Variants in MIB2 observed in about 807,000 individuals in gnomAD.
MIB2 encodes the protein E3 ubiquitin-protein ligase MIB2.
MIB2 carries 78 observed loss-of-function variants against 96.6 expected under a neutral mutation model. The ratio of observed to expected loss-of-function variants is 0.81; its 90% confidence interval spans 0.67 to 0.97. MIB2 has a LOEUF of 0.97. Ranked by LOEUF, MIB2 falls within the 50% of genes least tolerant of loss-of-function variation. The pLI is 0.00. For synonymous variants in MIB2, 820 were observed against 629.5 expected (o/e 1.30, Z -4.53); for missense variants, 1,543 against 1,424.0 (o/e 1.08, Z -1.35).
Position 1,626,189 on chromosome 1 carries a change from G to A in MIB2, c.973-461G>A, listed in dbSNP as rs1644742683. On this transcript the variant is annotated intron_variant, in intron 8 of 19. Transcript: ENST00000355826. This position sits in a 1 kb window ranked among gnomAD's most constrained non-coding sequence, Gnocchi z 5.3. ...TCTGGATCTGGGGTCCTGGATACCA[G>A]GCACCTTTGAGGAGGCGCCGAAGGG... is the stretch of plus-strand genomic sequence containing the variant. 1.0e-5 allele frequency: 2 copies of A among 197,846 alleles called. No individual in the cohort carries two copies. Among genetic ancestry groups the A allele is most frequent in the Non-Finnish European group, 2.1e-5 (2 of 97,194 alleles). The allele number at this position is 197,846 out of a possible 1,614,324, so 12.3% of individuals were successfully genotyped here. A position where few individuals can be genotyped will look rare whatever the true frequency, so the allele number is the denominator to read the frequency against.
At chr1:1,617,500 T>C (rs184553073) in intron 2 of MIB2, 13 of 152,336 alleles carry the variant, frequency 8.5e-5, no homozygotes, top group Non-Finnish European at 1.5e-4. Context: ...CGGTGTCTGC[T>C]TGCGTGGTTA....
chr1:1,627,198 C>T lies in MIB2; in HGVS notation c.1365C>T (p.Arg455=). ...AARALDLLRR[R]PEQVDTKNQG... ...GGGCTCTGGACCTGCTGCGGAGGCGCCCAGAGCAGGCAAGCTCCTGACCCC... is the reference window on the plus strand; with the variant it reads ...GGGCTCTGGACCTGCTGCGGAGGCGTCCAGAGCAGGCAAGCTCCTGACCCC... The change falls in exon 11 of 20, where the codon CGC becomes CGT. Residue 455 remains arginine (R), a synonymous_variant. Transcript: ENST00000355826. The T allele has an allele frequency of 6.2e-7, 1 of 1,602,294 alleles. No individual in the cohort carries two copies. The highest frequency in any genetic ancestry group is 8.5e-7 in the Non-Finnish European group (1 of 1,174,990).
intron 2 of MIB2, chr1:1,618,422 G>A (rs1177098090): frequency 6.5e-6 from 1 of 152,860 alleles, no homozygotes; most frequent in African/African-American, 2.4e-5. Flanking sequence ...CTGTCCTAGA[G>A]GGCTTGATTT....
Position 1,629,894 on chromosome 1 carries a change from C to G in MIB2, c.2629+190C>G, listed in dbSNP as rs1487097972. 2.1e-5 allele frequency among the ~76,000 whole-genome samples: 3 copies of G among 145,394 alleles called. No individual in the cohort carries two copies. In the East Asian group the frequency reaches 6.2e-4, roughly 30 times the overall value. ...CCCGCCTGCTCCAGATCACACCCGGCCCACAGCCCCGCCTCAAGGTAACAC... is the reference window on the plus strand; with the variant it reads ...CCCGCCTGCTCCAGATCACACCCGGGCCACAGCCCCGCCTCAAGGTAACAC... On this transcript the variant is annotated intron_variant, in intron 19 of 19. Coordinates refer to ENST00000355826, the MANE Select transcript of MIB2 (RefSeq NM_001170687.4).
Position 1,615,594 on chromosome 1 carries a change from T to C in MIB2, c.-169T>C. ...CCCGAAGCCGTCCCCGAGTCGCTCC[T>C]AGGTCACTGGCGCGATGCGGGCCGT... is the stretch of plus-strand genomic sequence containing the variant. On this transcript the variant is annotated 5_prime_UTR_variant, in exon 1 of 20. Coordinates refer to ENST00000355826, the MANE Select transcript of MIB2 (RefSeq NM_001170687.4). 1 of 1,563,798 alleles carries C rather than the reference T, an allele frequency of 6.4e-7. No individual in the cohort carries two copies. The highest frequency in any genetic ancestry group is 8.6e-7 in the Non-Finnish European group (1 of 1,159,286).
rs991676953 is a variant in MIB2 at position 1,623,834 on chromosome 1, G to A, written c.308G>A (p.Arg103His). Reference sequence around the variant, plus strand: ...AAGAAGCACGGGCTGCGGGGGATGCGCTGGAAGTGCCGTGTGTGCCTGGAC... The same window carrying A: ...AAGAAGCACGGGCTGCGGGGGATGCACTGGAAGTGCCGTGTGTGCCTGGAC... ...CCKKHGLRGM[R>H]WKCRVCLDYD... Residue 103 changes from arginine (R) to histidine (H), a missense_variant, in exon 4 of 20, where the codon CGC (arginine) becomes CAC (histidine). Physicochemically the swap from Arg to His is conservative, Grantham distance 29. Coordinates refer to ENST00000355826, the MANE Select transcript of MIB2 (RefSeq NM_001170687.4). 10 of 1,610,678 alleles carry A rather than the reference G, an allele frequency of 6.2e-6. No homozygotes were observed. Among genetic ancestry groups the A allele is most frequent in the African/African-American group, 2.7e-5 (2 of 74,974 alleles).
In MIB2 at chr1:1,628,302, G is replaced by A. The variant is rs770240516; in HGVS notation, c.1871G>A (p.Arg624Gln). Residue 624 changes from arginine (R) to glutamine (Q), a missense_variant, in exon 15 of 20, where the codon CGG becomes CAG. Coordinates refer to ENST00000355826, the MANE Select transcript of MIB2 (RefSeq NM_001170687.4). ...LAVRKILARA[R>Q]QLVDAKKEDG... ...GTGAGAAAGATTCTGGCTCGGGCGC[G>A]GCAGCTGGTGGACGCCAAGAAGGAG... 18 of 1,612,808 alleles carry A rather than the reference G, an allele frequency of 1.1e-5. No homozygotes were observed. The highest frequency in any genetic ancestry group is 8.9e-5 in the East Asian group (4 of 44,892).
Position 1,623,892 on chromosome 1 carries a change from C to A in MIB2, c.366C>A (p.Asn122Lys). 1 of 1,612,156 alleles carries A rather than the reference C, an allele frequency of 6.2e-7. No individual in the cohort carries two copies. The highest frequency in any genetic ancestry group is 8.5e-7 in the Non-Finnish European group (1 of 1,179,562). ...YDLCTQCYMH[N>K]KHELAHAFDR... Reference sequence around the variant, plus strand: ...TCTGCACGCAGTGCTACATGCACAACAAGCATGAGCTCGCCCACGCCTTCG... The same window carrying A: ...TCTGCACGCAGTGCTACATGCACAAAAAGCATGAGCTCGCCCACGCCTTCG... The change falls in exon 4 of 20, where the codon AAC (asparagine) becomes AAA (lysine). Residue 122 changes from asparagine to lysine, a missense_variant. By Grantham distance (94) the Asn-to-Lys change is moderately conservative. Transcript: ENST00000355826.
In MIB2 at chr1:1,629,472, C is replaced by G. The variant is rs1400816508; in HGVS notation, c.2469C>G (p.Ala823=). 2 of 1,532,124 alleles carry G rather than the reference C, an allele frequency of 1.3e-6. No homozygotes were observed. The highest frequency in any genetic ancestry group is 2.5e-5 in the East Asian group (1 of 40,474). 94.9% of individuals were successfully genotyped at this position (1,532,124 alleles called of 1,614,324 possible). Residue 823 remains alanine (A), a synonymous_variant, in exon 18 of 20, where the codon GCC becomes GCG. Transcript: ENST00000355826. ...PNTVTNLHVG[A]APGPEAAECL... is the part of the protein sequence containing the mutation. ...CCGTGACGAACCTGCACGTGGGCGC[C>G]GCGCCGGGGCCCGAGGCCGCTGAGT...
chr1:1,629,493 T>C lies in MIB2; in HGVS notation c.2490T>C (p.Ala830=), dbSNP rs1569896913. 1 of 1,533,294 alleles carries C rather than the reference T, an allele frequency of 6.5e-7. No individual in the cohort carries two copies. The highest frequency in any genetic ancestry group is 1.4e-5 in the African/African-American group (1 of 72,456). 95.0% of individuals were successfully genotyped at this position (1,533,294 alleles called of 1,614,324 possible). A position where few individuals can be genotyped will look rare whatever the true frequency, so the allele number is the denominator to read the frequency against. ...GCGCCGCGCCGGGGCCCGAGGCCGC[T>C]GAGTGCCTGGTGTGCTCCGAGCTGG... ...HVGAAPGPEA[A]ECLVCSELAL... Residue 830 remains alanine, a synonymous_variant, in exon 18 of 20, where the codon GCT becomes GCC. Transcript: ENST00000355826.
In MIB2 at chr1:1,630,565, G is replaced by T; in HGVS notation, c.*35G>T. The T allele has an allele frequency of 6.8e-7, 1 of 1,461,412 alleles. No homozygotes were observed. Among genetic ancestry groups the T allele is most frequent in the South Asian group, 1.3e-5 (1 of 77,822 alleles). 90.5% of individuals were successfully genotyped at this position (1,461,412 alleles called of 1,614,324 possible). ...TCCGCCGCGCCCGAGCTGCCTTCGC[G>T]TGCCCCCGCCCTGTGTTTTATAAAA... On this transcript the variant is annotated 3_prime_UTR_variant, in exon 20 of 20. Coordinates refer to ENST00000355826, the MANE Select transcript of MIB2 (RefSeq NM_001170687.4).
Position 1,615,540 on chromosome 1 carries a change from GTGC to G in MIB2, c.-222_-220del. 6.5e-7 allele frequency: 1 copy of G among 1,534,696 alleles called. No homozygotes were observed. Among genetic ancestry groups the G allele is most frequent in the Non-Finnish European group, 8.7e-7 (1 of 1,145,730 alleles). On this transcript the variant is annotated 5_prime_UTR_variant, in exon 1 of 20. Transcript: ENST00000355826. ...CAGTTTCCAGCCGCCGCTCTCCTCA[GTGC>G]CCGGTGGCCCAGGAGGGCCTGGGAG... is the stretch of plus-strand genomic sequence containing the variant.
chr1:1,615,843 G>T, intron 1 of MIB2: 1 of 1,232,722 alleles, frequency 8.1e-7, no homozygotes, highest in Non-Finnish European at 1.0e-6. Context: ...CCGGCCACCC[G>T]CGCGGGACTC....
Position 1,627,578 on chromosome 1 carries a change from G to A in MIB2, c.1524-95G>A, listed in dbSNP as rs1281603867. The A allele has an allele frequency of 2.0e-6, 3 of 1,497,566 alleles. No individual in the cohort carries two copies. The Admixed American group carries it at 6.8e-5, about 34-fold the overall frequency. The allele number at this position is 1,497,566 out of a possible 1,614,324, so 92.8% of individuals were successfully genotyped here. ...CCTGGGAGGGGCCCGGCGGGGCTGAGCCTGTGCGTCCTGGGGTCGGGCCTG... is the reference window on the plus strand; with the variant it reads ...CCTGGGAGGGGCCCGGCGGGGCTGAACCTGTGCGTCCTGGGGTCGGGCCTG... On this transcript the variant is annotated intron_variant, in intron 12 of 19. Coordinates refer to ENST00000355826, the MANE Select transcript of MIB2 (RefSeq NM_001170687.4).
At chr1:1,627,522 C>A (rs1000762972) in intron 12 of MIB2, 78 bp downstream of exon 12, 3 of 1,497,460 alleles carry the variant, frequency 2.0e-6, no homozygotes, top group Non-Finnish European at 1.8e-6. Flanking sequence ...GCCCGGCCGG[C>A]GGGGCTGAGC....
Position 1,627,115 on chromosome 1 carries a change from A to G in MIB2, c.1282A>G (p.Ser428Gly), listed in dbSNP as rs1254955932. The G allele has an allele frequency of 6.2e-7, 1 of 1,600,224 alleles. No homozygotes were observed. Among genetic ancestry groups the G allele is most frequent in the Non-Finnish European group, 8.5e-7 (1 of 1,173,896 alleles). The change falls in exon 11 of 20, where the codon AGT (serine) becomes GGT (glycine). Residue 428 changes from serine to glycine, a missense_variant. Physicochemically the swap from Ser to Gly is moderately conservative, Grantham distance 56. Transcript: ENST00000355826. ...CCTGGACAAGCTTCGGGCCCAGAAG[A>G]GTGACCCAGAGCACCCGGGAAGGCT... ...VALDKLRAQK[S>G]DPEHPGRLVV...
rs768112651 is a variant in MIB2 at position 1,623,741 on chromosome 1, G to A, written c.248-33G>A. 24 of 1,542,738 alleles carry A rather than the reference G, an allele frequency of 1.6e-5. No individual in the cohort carries two copies. In the East Asian group the frequency reaches 3.4e-4, roughly 22 times the overall value. Reference sequence around the variant, plus strand: ...GGCGGGACGGGCAGGACCCGGGGGCGGGAACGCCCCTCTGACCCCACCCCA... The same window carrying A: ...GGCGGGACGGGCAGGACCCGGGGGCAGGAACGCCCCTCTGACCCCACCCCA... On this transcript the variant is annotated intron_variant, in intron 3 of 19. Coordinates refer to ENST00000355826, the MANE Select transcript of MIB2 (RefSeq NM_001170687.4).
rs756935122 is a variant in MIB2, at chr1:1,628,379, G to T, written c.1948G>T (p.Ala650Ser). 16 of 1,612,318 alleles carry T rather than the reference G, an allele frequency of 9.9e-6. No individual in the cohort carries two copies. The East Asian group carries it at 3.3e-4, about 34-fold the overall frequency. The change falls in exon 15 of 20, where the codon GCC becomes TCC. Residue 650 changes from alanine (A) to serine (S), a missense_variant. Transcript: ENST00000355826. ...TGCCCTCAACAACCACCGCGAGGTG[G>T]CCCAGATCCTCATCCGGGAGGTGCG... ...LAALNNHREV[A>S]QILIREGRCD... is the part of the protein sequence containing the mutation.
chr1:1,629,760 T>C, intron 19 of MIB2, 56 bp downstream of exon 19: 1 of 1,485,216 alleles, frequency 6.7e-7, no homozygotes, highest in Non-Finnish European at 9.0e-7. Flanking sequence ...GGCCCGCGGG[T>C]CCCCGTCCCC....
Sources: allele counts gnomAD v4.1 joint callset (sites outside exome capture counted in the v4.1 genomes callset), GRCh38; gene constraint gnomAD v4.1.1; non-coding constraint Gnocchi (gnomAD v3.1); transcripts MANE v1.5; gene names NCBI Gene and HGNC (gene_info 2026-07-23, HGNC 2026-07-21).